Variants in ATRX observed in about 807,000 individuals in gnomAD.
ATRX encodes chromatin remodeler ATRX.
A neutral mutation model predicts 172.6 loss-of-function variants in ATRX; 12 were observed. That is an observed-to-expected ratio of 0.07 (90% CI 0.04 to 0.11). The LOEUF (loss-of-function observed/expected upper bound fraction) is 0.11. Among genes scored for constraint, ATRX ranks in the 10% least tolerant of loss-of-function variants. The pLI is 1.00. For synonymous variants in ATRX, 674 were observed against 594.7 expected (o/e 1.13, Z -1.94); for missense variants, 1,368 against 1,767.4 (o/e 0.77, Z 4.05).
At chrX:77,642,866 T>C (rs1929076855) in intron 15 of ATRX, among the ~76,000 whole-genome samples, 1 of 111,148 alleles carries the variant, frequency 9.0e-6, no homozygotes, top group Non-Finnish European at 1.9e-5. Flanking sequence ...GGCATGGTGG[T>C]GACCGCCTGT....
intron 22 of ATRX, among the ~76,000 whole-genome samples, chrX:77,606,497 GCCAATATTC>G (rs1388382163): frequency 9.0e-6 from 1 of 110,619 alleles, no homozygotes; most frequent in Non-Finnish European, 1.9e-5. Flanking sequence ...AAAACTACAG[GCCAATATTC>G]CTGATGATCA....
chrX:77,738,725 G>A (rs868911303), intron 1 of ATRX, among the ~76,000 whole-genome samples: 2 of 108,241 alleles, frequency 1.8e-5, no homozygotes, highest in African/African-American at 3.4e-5. Context: ...CCCAACGCCC[G>A]GCTAATTTTT....
At chrX:77,655,970 C>T (rs1008827494) in intron 13 of ATRX, among the ~76,000 whole-genome samples, 1 of 110,881 alleles carries the variant, frequency 9.0e-6, no homozygotes, top group Non-Finnish European at 1.9e-5. Flanking sequence ...ACATACCATA[C>T]TAAGAAGGAA....
intron 22 of ATRX, among the ~76,000 whole-genome samples, chrX:77,601,422 G>C: frequency 9.5e-6 from 1 of 105,345 alleles, no homozygotes; most frequent in Non-Finnish European, 1.9e-5. Flanking sequence ...AGGTTACAAT[G>C]AACTATGATT....
rs556574183 is a variant in ATRX at position 77,739,896 on chromosome X, A to T, written c.21-22653T>A. 4.3e-4 allele frequency among the ~76,000 whole-genome samples: 46 copies of T among 107,120 alleles called. No individual in the cohort carries two copies. In the South Asian group the frequency reaches 8.8e-3, roughly 20 times the overall value. 93.0% of individuals were successfully genotyped at this position (107,120 alleles called of 115,157 possible). A position where few individuals can be genotyped will look rare whatever the true frequency, so the allele number is the denominator to read the frequency against. ...GAAACCCCATCTCTATCAAAAATAT[A>T]AAAAAAATTAGCCAGATATAGTGGC... is the stretch of plus-strand genomic sequence containing the variant. On this transcript the variant is annotated intron_variant, in intron 1 of 34. Transcript: ENST00000373344.
At chrX:77,553,725 C>T (rs782626566) in intron 30 of ATRX, among the ~76,000 whole-genome samples, 8 of 111,950 alleles carry the variant, frequency 7.1e-5, no homozygotes, top group Non-Finnish European at 1.5e-4. Context: ...CAAACAGTTA[C>T]CCAGTTCTAC....
chrX:77,685,055 T>A lies in ATRX; in HGVS notation c.595-49A>T, dbSNP rs782214190. The stretch of plus-strand genomic sequence containing the variant: ...GAAATTTAATTCGAAATTGATAACA[T>A]TCATAAAGGACAAAAACTTTATTTT... On this transcript the variant is annotated intron_variant, in intron 7 of 34. Coordinates refer to ENST00000373344, the MANE Select transcript of ATRX (RefSeq NM_000489.6). 5 of 988,596 alleles carry A rather than the reference T, an allele frequency of 5.1e-6. No individual in the cohort carries two copies. In the African/African-American group the frequency reaches 9.5e-5, roughly 19 times the overall value. The allele number at this position is 988,596 out of a possible 1,213,427, so 81.5% of individuals were successfully genotyped here.
chrX:77,559,875 G>A (rs1477675096), intron 28 of ATRX, among the ~76,000 whole-genome samples: 2 of 111,563 alleles, frequency 1.8e-5, no homozygotes, highest in Non-Finnish European at 1.9e-5. Context: ...ACAAGTACAC[G>A]AAAAAGGAAA....
chrX:77,698,375 G>A (rs978822039), intron 3 of ATRX, among the ~76,000 whole-genome samples, 199 bp downstream of exon 3: 5 of 111,387 alleles, frequency 4.5e-5, no homozygotes, highest in Admixed American at 9.5e-5. Flanking sequence ...CTGACTTTAG[G>A]TAAACCACTG....
intron 30 of ATRX, among the ~76,000 whole-genome samples, chrX:77,525,767 A>C (rs2063360573): frequency 8.9e-6 from 1 of 112,546 alleles, no homozygotes; most frequent in Admixed American, 9.4e-5. Context: ...TCACGTGTGT[A>C]ACAGGATGAT....
At chrX:77,648,720 A>G (rs1290862068) in intron 15 of ATRX, among the ~76,000 whole-genome samples, 2 of 110,941 alleles carry the variant, frequency 1.8e-5, no homozygotes, top group Non-Finnish European at 3.8e-5. Flanking sequence ...AGAAACAATA[A>G]ATGACAGAAC....
chrX:77,607,135 A>G (rs1302925657), intron 22 of ATRX, among the ~76,000 whole-genome samples: 1 of 112,008 alleles, frequency 8.9e-6, no homozygotes, highest in Non-Finnish European at 1.9e-5. Context: ...TCCTAGTAAG[A>G]GTAATCAAAG....
At chrX:77,635,875 A>G in intron 16 of ATRX, 40 bp downstream of exon 16, 1 of 1,159,646 alleles carries the variant, frequency 8.6e-7, no homozygotes, top group Non-Finnish European at 1.2e-6. Context: ...ATTGGTAAAA[A>G]TTTAACTAAA....
intron 22 of ATRX, among the ~76,000 whole-genome samples, chrX:77,611,091 C>A (rs1245739490): frequency 9.1e-6 from 1 of 110,380 alleles, no homozygotes; most frequent in African/African-American, 3.3e-5. Context: ...ACTAGCAGTT[C>A]CAACTTCTAG....
At chrX:77,522,534 C>T (rs782277232) in intron 31 of ATRX, 146 bp from the exon 32 acceptor site, 21 of 665,113 alleles carry the variant, frequency 3.2e-5, no homozygotes, top group Non-Finnish European at 4.9e-5. Flanking sequence ...ACCCTTTTCA[C>T]CCGAAACCAA....
chrX:77,760,678 T>C (rs1281902627), intron 1 of ATRX, among the ~76,000 whole-genome samples: 1 of 111,634 alleles, frequency 9.0e-6, no homozygotes, highest in Non-Finnish European at 1.9e-5. Context: ...TGGAAACATG[T>C]TTATGTAGAA....
intron 26 of ATRX, among the ~76,000 whole-genome samples, chrX:77,591,588 T>C (rs1381407812): frequency 9.0e-6 from 1 of 111,598 alleles, no homozygotes; most frequent in Non-Finnish European, 1.9e-5. Flanking sequence ...TGTTTTTTAT[T>C]GTATGACTTC....
intron 28 of ATRX, among the ~76,000 whole-genome samples, chrX:77,559,294 G>A (rs1458382980): frequency 9.3e-6 from 1 of 107,518 alleles, no homozygotes; most frequent in Non-Finnish European, 1.9e-5. Flanking sequence ...AAGGAGAGGC[G>A]TTAGACAGAT....
At chrX:77,727,600 A>G (rs1369682913) in intron 1 of ATRX, among the ~76,000 whole-genome samples, 2 of 103,846 alleles carry the variant, frequency 1.9e-5, no homozygotes, top group African/African-American at 7.0e-5. Flanking sequence ...CAAACACTGC[A>G]TGTTCTCACT....
Sources: allele counts gnomAD v4.1 joint callset (sites outside exome capture counted in the v4.1 genomes callset), GRCh38; gene constraint gnomAD v4.1.1; transcripts MANE v1.5; gene names NCBI Gene and HGNC (gene_info 2026-07-23, HGNC 2026-07-21).